Variants in UNC79 observed in about 807,000 individuals in gnomAD.
The protein encoded by UNC79 is unc-79 subunit of NALCN channel complex.
In UNC79, 37 loss-of-function variants were observed where a neutral mutation model predicts 283.1. The ratio of observed to expected loss-of-function variants is 0.13; its 90% CI spans 0.10 to 0.17. UNC79 has a LOEUF of 0.17. Among genes scored for constraint, UNC79 ranks in the 10% least tolerant of loss-of-function variants. The probability of loss-of-function intolerance (pLI) is 1.00; values close to 1 mark genes in which losing one functional copy is unlikely to be tolerated. For missense variants in UNC79, 2,272 were observed against 3,211.1 expected, an observed-to-expected ratio of 0.71 and a Z score of 7.07; for synonymous variants, 1,107 against 1,200.2, an observed-to-expected ratio of 0.92 and a Z score of 1.61.
chr14:93,346,590 C>A lies in UNC79; in HGVS notation c.-351+13067C>A, dbSNP rs139259338. On this transcript the variant is annotated intron_variant, in intron 1 of 49. Transcript: ENST00000256339. ...CATGAATATTTTTTATATCATCAGC[C>A]GACTATAGAAACTTGTTCTTGGTTT... Among the ~76,000 whole-genome samples the A allele has an allele frequency of 6.3e-3, 961 of 152,268 alleles. 12 individuals are homozygous for A. The highest frequency in any genetic ancestry group is 0.022 in the African/African-American group (898 of 41,560).
intron 20 of UNC79, among the ~76,000 whole-genome samples, chr14:93,583,354 T>C (rs1309836900): frequency 6.6e-6 from 1 of 151,754 alleles, no homozygotes; most frequent in Non-Finnish European, 1.5e-5. Flanking sequence ...AAAGAATAGC[T>C]TGCTCCTGGG....
chr14:93,685,551 T>C (rs1158436539), intron 42 of UNC79, among the ~76,000 whole-genome samples: 1 of 152,194 alleles, frequency 6.6e-6, no homozygotes, highest in African/African-American at 2.4e-5. Flanking sequence ...AAGCGTAACA[T>C]TCTAGAAGAG....
intron 1 of UNC79, among the ~76,000 whole-genome samples, chr14:93,349,918 C>A (rs1566885168): frequency 6.6e-6 from 1 of 151,858 alleles, no homozygotes; most frequent in African/African-American, 2.4e-5. Context: ...CAGAAGTAAT[C>A]TAGATAAACT....
chr14:93,585,262 C>A (rs2064136862), intron 20 of UNC79, among the ~76,000 whole-genome samples: 2 of 152,028 alleles, frequency 1.3e-5, no homozygotes, highest in African/African-American at 4.8e-5. Flanking sequence ...GCCTTAAGAC[C>A]AGGGTTCCCT....
chr14:93,614,108 T>G (rs1182872224), intron 27 of UNC79, among the ~76,000 whole-genome samples: 2 of 152,012 alleles, frequency 1.3e-5, no homozygotes, highest in Non-Finnish European at 2.9e-5. Context: ...TTTTTTTCCT[T>G]TTGTAAAATA....
chr14:93,371,049 C>T (rs896724719), intron 1 of UNC79, among the ~76,000 whole-genome samples: 1 of 152,084 alleles, frequency 6.6e-6, no homozygotes, highest in Middle Eastern at 3.2e-3. Flanking sequence ...AAGGTATGCT[C>T]CACCTCCTGC....
At chr14:93,635,413 CTTA>C (rs1183750862) in intron 31 of UNC79, among the ~76,000 whole-genome samples, 2 of 152,098 alleles carry the variant, frequency 1.3e-5, no homozygotes, top group Non-Finnish European at 2.9e-5. Flanking sequence ...AATGTAAGGG[CTTA>C]TTATGGTGAT....
chr14:93,580,286 G>C, exon 19 of UNC79: 1 of 1,614,210 alleles, frequency 6.2e-7, no homozygotes, highest in Non-Finnish European at 8.5e-7. Context: ...AAGCAATCGA[G>C]TGCAACTTAT....
At chr14:93,601,702 C>T (rs115752872) in intron 25 of UNC79, among the ~76,000 whole-genome samples, 87 of 152,188 alleles carry the variant, frequency 5.7e-4, no homozygotes, top group African/African-American at 2.1e-3. Context: ...GTGATTGTAC[C>T]AATTTACACT....
At chr14:93,385,437 G>A (rs936322761) in intron 1 of UNC79, among the ~76,000 whole-genome samples, 1 of 151,858 alleles carries the variant, frequency 6.6e-6, no homozygotes, top group African/African-American at 2.4e-5. Flanking sequence ...TTGTAAATAG[G>A]ATTACTTTCT....
rs35267402 is a variant in UNC79, at chr14:93,386,927, C to CTT, written c.-351+53435_-351+53436dup. Among the ~76,000 whole-genome samples the CTT allele has an allele frequency of 1.4e-3, 39 of 27,190 alleles. 6 individuals are homozygous for CTT. Among genetic ancestry groups the CTT allele is most frequent in the Non-Finnish European group, 1.6e-3 (26 of 16,380 alleles). The allele number at this position is 27,190 out of a possible 152,430, so 17.8% of individuals were successfully genotyped here. Reference sequence around the variant, plus strand: ...TTCATTTCAATTTCATGTATTTCTGCTTTTTTTTTTTTTTTTTTTTTTTTT... The same window carrying CTT: ...TTCATTTCAATTTCATGTATTTCTGCTTTTTTTTTTTTTTTTTTTTTTTTTTT... On this transcript the variant is annotated intron_variant, in intron 1 of 49. Transcript: ENST00000256339.
At chr14:93,381,113 G>C (rs185685931) in intron 1 of UNC79, among the ~76,000 whole-genome samples, 242 of 152,224 alleles carry the variant, frequency 1.6e-3, no homozygotes, top group Non-Finnish European at 2.9e-3. Context: ...CTCAGTTTTG[G>C]CCCAGACCCC....
At chr14:93,599,907 T>C (rs1229726498) in intron 24 of UNC79, among the ~76,000 whole-genome samples, 1 of 152,168 alleles carries the variant, frequency 6.6e-6, no homozygotes, top group Non-Finnish European at 1.5e-5. Context: ...CTACAGGCAT[T>C]AAAACCAGAT....
intron 30 of UNC79, among the ~76,000 whole-genome samples, chr14:93,628,208 G>A (rs1360188492): frequency 6.6e-6 from 1 of 152,090 alleles, no homozygotes; most frequent in Non-Finnish European, 1.5e-5. Flanking sequence ...AGCCCTATGT[G>A]GTCCTAGTCC....
intron 40 of UNC79, among the ~76,000 whole-genome samples, chr14:93,666,848 TAAAG>T (rs973169591): frequency 5.2e-4 from 79 of 152,098 alleles, no homozygotes; most frequent in African/African-American, 1.8e-3. Flanking sequence ...ATTAATTAAT[TAAAG>T]AAAGGAAGCA....
At chr14:93,695,561 A>C (rs1286766966) in intron 47 of UNC79, among the ~76,000 whole-genome samples, 2 of 152,156 alleles carry the variant, frequency 1.3e-5, no homozygotes, top group Non-Finnish European at 2.9e-5. Flanking sequence ...TATGCCATGC[A>C]CCATGATCAA....
intron 1 of UNC79, among the ~76,000 whole-genome samples, chr14:93,393,887 G>A (rs2054935264): frequency 6.6e-6 from 1 of 151,600 alleles, no homozygotes; most frequent in South Asian, 2.1e-4. Context: ...TTTTATTTGG[G>A]GAGTTACTAT....
chr14:93,694,973 G>A (rs1049104238), intron 47 of UNC79, among the ~76,000 whole-genome samples: 6 of 152,126 alleles, frequency 3.9e-5, no homozygotes, highest in African/African-American at 1.4e-4. Context: ...ATTATACAGT[G>A]TATAAAAGAA....
chr14:93,536,046 T>C (rs2141116183), intron 11 of UNC79, among the ~76,000 whole-genome samples: 1 of 150,254 alleles, frequency 6.7e-6, no homozygotes, highest in South Asian at 2.1e-4. Context: ...TTTTTGGGCT[T>C]GGCTCCTTAA....
Sources: allele counts gnomAD v4.1 joint callset (sites outside exome capture counted in the v4.1 genomes callset), GRCh38; gene constraint gnomAD v4.1.1; transcripts MANE v1.5; gene names NCBI Gene and HGNC (gene_info 2026-07-23, HGNC 2026-07-21).